The following CNTNAP2 variants were observed in gnomAD, a reference collection of about 807,000 sequenced individuals.
CNTNAP2 encodes the protein contactin-associated protein-like 2.
A neutral mutation model predicts 155.2 loss-of-function variants in CNTNAP2; 98 were observed. The observed-to-expected ratio is 0.63, with a 90% CI of 0.54 to 0.75. The LOEUF is 0.75. Ranked by LOEUF, CNTNAP2 falls within the 30% of genes least tolerant of loss-of-function variation. The probability of loss-of-function intolerance (pLI) is 0.00; values close to 1 mark genes in which losing one functional copy is unlikely to be tolerated. For missense variants in CNTNAP2, 1,727 were observed against 1,688.1 expected, an observed-to-expected ratio of 1.02 and a Z score of -0.40; for synonymous variants, 651 against 631.2, an observed-to-expected ratio of 1.03 and a Z score of -0.47.
intron 2 of CNTNAP2, among the ~76,000 whole-genome samples, chr7:146,779,708 A>G (rs541040203): frequency 9.0e-4 from 137 of 152,226 alleles, no homozygotes; most frequent in African/African-American, 3.2e-3. Context: ...GTTTCCTCCT[A>G]TGTATTTTCC....
rs111608788 is a variant in CNTNAP2 at position 146,754,179 on chromosome 7, C to A, written c.98-20092C>A. 6.4e-3 allele frequency among the ~76,000 whole-genome samples: 971 copies of A among 152,092 alleles called. 8 individuals carry two copies. Among genetic ancestry groups the A allele is most frequent in the Non-Finnish European group, 1.0e-2 (677 of 67,892 alleles). The stretch of plus-strand genomic sequence containing the variant: ...ACCACCCATGAAAGTTGCATTCAGA[C>A]TCTTCATTCTCAGAAGGTATACTCA... On this transcript the variant is annotated intron_variant, in intron 1 of 23. Coordinates refer to ENST00000361727, the MANE Select transcript of CNTNAP2 (RefSeq NM_014141.6).
intron 3 of CNTNAP2, among the ~76,000 whole-genome samples, chr7:146,849,235 T>C (rs1359459492): frequency 1.3e-5 from 2 of 152,216 alleles, no homozygotes; most frequent in Admixed American, 1.3e-4. Context: ...ATTCATCATA[T>C]AGAGCTCACT....
intron 11 of CNTNAP2, among the ~76,000 whole-genome samples, chr7:147,486,965 T>G (rs896611952): frequency 2.7e-5 from 4 of 150,892 alleles, no homozygotes; most frequent in African/African-American, 9.8e-5. Context: ...TCTCTCAATA[T>G]GCCCAAACAC....
intron 8 of CNTNAP2, among the ~76,000 whole-genome samples, chr7:147,135,359 A>G (rs1000250266): frequency 6.6e-6 from 1 of 151,828 alleles, no homozygotes; most frequent in Non-Finnish European, 1.5e-5. Flanking sequence ...CCAAAAACAA[A>G]CAAACAAACA....
intron 3 of CNTNAP2, among the ~76,000 whole-genome samples, chr7:147,018,953 C>T (rs958736510): frequency 6.6e-6 from 1 of 152,032 alleles, no homozygotes; most frequent in African/African-American, 2.4e-5. Context: ...TGAAGATTAG[C>T]TGCCCAAGAT....
chr7:147,045,548 C>T (rs1456543449), intron 4 of CNTNAP2, among the ~76,000 whole-genome samples: 1 of 152,040 alleles, frequency 6.6e-6, no homozygotes, highest in Non-Finnish European at 1.5e-5. Context: ...AGTAGAGAGA[C>T]AAAAGATTTA....
intron 12 of CNTNAP2, among the ~76,000 whole-genome samples, chr7:147,597,451 A>G (rs1800845898): frequency 6.6e-6 from 1 of 152,066 alleles, no homozygotes; most frequent in African/African-American, 2.4e-5. Context: ...ACTAAAATCT[A>G]TTTATTTCCT....
chr7:146,611,293 G>A (rs946332172), intron 1 of CNTNAP2, among the ~76,000 whole-genome samples: 1 of 152,064 alleles, frequency 6.6e-6, no homozygotes, highest in African/African-American at 2.4e-5. Flanking sequence ...GTCTCACTAT[G>A]TTGCCCAGTC....
intron 1 of CNTNAP2, among the ~76,000 whole-genome samples, chr7:146,137,743 C>T (rs1169722130): frequency 2.0e-5 from 3 of 151,530 alleles, no homozygotes; most frequent in Non-Finnish European, 4.4e-5. Flanking sequence ...AGAGATAAGA[C>T]CAAGGTTAAT....
intron 18 of CNTNAP2, among the ~76,000 whole-genome samples, chr7:148,185,606 A>G (rs1469631753): frequency 1.3e-5 from 2 of 152,214 alleles, no homozygotes; most frequent in Non-Finnish European, 2.9e-5. Context: ...AATGTAACCC[A>G]AATATTTGAA....
intron 1 of CNTNAP2, among the ~76,000 whole-genome samples, chr7:146,171,488 T>G (rs1798389471): frequency 6.6e-6 from 1 of 152,208 alleles, no homozygotes; most frequent in South Asian, 2.1e-4. Flanking sequence ...TTTGTCATAT[T>G]TTAAATCTCA....
chr7:147,583,524 A>ATG (rs1800555797), intron 12 of CNTNAP2, among the ~76,000 whole-genome samples: 3 of 147,322 alleles, frequency 2.0e-5, no homozygotes, highest in African/African-American at 7.4e-5. Flanking sequence ...ATATATATAT[A>ATG]TATATATAAT....
intron 13 of CNTNAP2, among the ~76,000 whole-genome samples, chr7:147,822,872 T>C (rs888450976): frequency 3.9e-5 from 6 of 152,212 alleles, no homozygotes; most frequent in African/African-American, 1.4e-4. Flanking sequence ...TGTAAATTTC[T>C]TATTATAATT....
chr7:146,149,855 C>A (rs541419192), intron 1 of CNTNAP2, among the ~76,000 whole-genome samples: 1 of 124,390 alleles, frequency 8.0e-6, no homozygotes. Flanking sequence ...TTCATAGAAA[C>A]ACACAAACAG....
chr7:147,743,788 G>A (rs1322666579), intron 13 of CNTNAP2, among the ~76,000 whole-genome samples: 1 of 151,798 alleles, frequency 6.6e-6, no homozygotes, highest in Non-Finnish European at 1.5e-5. Context: ...TCAGTCCCAG[G>A]TTTATCTCCA....
intron 10 of CNTNAP2, among the ~76,000 whole-genome samples, chr7:147,450,449 T>C (rs926804114): frequency 6.6e-6 from 1 of 152,190 alleles, no homozygotes; most frequent in African/African-American, 2.4e-5. Flanking sequence ...CAACCTTGAT[T>C]TCAGCCTTAT....
chr7:147,634,551 A>G (rs1795145401), intron 12 of CNTNAP2, among the ~76,000 whole-genome samples: 1 of 152,090 alleles, frequency 6.6e-6, no homozygotes, highest in Admixed American at 6.6e-5. Context: ...CCACTAAAGA[A>G]CTTTATGTAA....
At chr7:146,890,649 A>T (rs1795756301) in intron 3 of CNTNAP2, among the ~76,000 whole-genome samples, 1 of 152,206 alleles carries the variant, frequency 6.6e-6, no homozygotes, top group Admixed American at 6.5e-5. Context: ...TATTAAAAAT[A>T]AGTTAAATAA....
chr7:147,198,310 C>T (rs1802848668), intron 8 of CNTNAP2, among the ~76,000 whole-genome samples: 1 of 146,730 alleles, frequency 6.8e-6, no homozygotes, highest in African/African-American at 2.5e-5. Flanking sequence ...CGGCTCACCA[C>T]AACCTCTGCC....
Sources: gnomAD v4.1 joint callset for allele counts (sites outside exome capture counted in the v4.1 genomes callset) on GRCh38, gnomAD v4.1.1 for gene constraint, MANE v1.5 for transcripts, NCBI Gene and HGNC (gene_info 2026-07-23, HGNC 2026-07-21) for gene names.